The following RHPN2 variants were observed in gnomAD, a reference collection of about 807,000 sequenced individuals.
The protein encoded by RHPN2 is rhophilin Rho GTPase binding protein 2, also known as rhophilin-2.
A neutral mutation model predicts 79.0 loss-of-function variants in RHPN2; 40 were observed. That is an observed-to-expected ratio of 0.51 (90% confidence interval 0.39 to 0.66). The LOEUF is 0.66. RHPN2 is among the 30% of genes least tolerant of loss of function. RHPN2 has a pLI of 0.00. For synonymous variants in RHPN2, 285 were observed against 363.5 expected (o/e 0.78, Z 2.46); for missense variants, 686 against 883.5 (o/e 0.78, Z 2.83).
chr19:33,024,157 C>T (rs1265341583), intron 3 of RHPN2, among the ~76,000 whole-genome samples: 1 of 152,086 alleles, frequency 6.6e-6, no homozygotes, highest in Non-Finnish European at 1.5e-5. Flanking sequence ...CACAGGAGGC[C>T]GGGTGTGGTG....
At position 33,011,808 on chromosome 19, in the gene RHPN2, A is replaced by G. The variant is rs2288854; in HGVS notation, c.469-5T>C. On this transcript the variant is annotated splice_region_variant and splice_polypyrimidine_tract_variant and intron_variant, in intron 5 of 14. Transcript: ENST00000254260. ...CCGGCTAGGCGTCCGACAAGCCTGC[A>G]AGGAAAAGAACCCAAGAGGGCATGA... 0.24 allele frequency: 380,203 copies of G among 1,613,502 alleles called. 49,344 individuals carry two copies. The highest frequency in any genetic ancestry group is 0.44 in the African/African-American group (33,256 of 74,960).
chr19:33,057,686 A>AG (rs1355424660), intron 1 of RHPN2, among the ~76,000 whole-genome samples: 3 of 120,654 alleles, frequency 2.5e-5, no homozygotes. Flanking sequence ...AAAAAAAAAA[A>AG]AAAAGATAGA....
chr19:32,981,461 G>GGGGAA, intron 14 of RHPN2, among the ~76,000 whole-genome samples: 1 of 140,326 alleles, frequency 7.1e-6, no homozygotes, highest in Non-Finnish European at 1.5e-5. Context: ...GAAGGGAAGA[G>GGGGAA]GGGAAGGAAA....
intron 2 of RHPN2, among the ~76,000 whole-genome samples, chr19:33,036,960 C>T (rs948064865): frequency 6.6e-6 from 1 of 152,084 alleles, no homozygotes; most frequent in Non-Finnish European, 1.5e-5. Flanking sequence ...TCCTATCGAC[C>T]GACCACCCAA....
intron 1 of RHPN2, among the ~76,000 whole-genome samples, chr19:33,044,663 C>A (rs1370943612): frequency 6.6e-6 from 1 of 152,096 alleles, no homozygotes; most frequent in South Asian, 2.1e-4. Context: ...AAGGCCAAGG[C>A]GGGTGGATCA....
chr19:33,011,492 C>T (rs930768494), intron 6 of RHPN2, among the ~76,000 whole-genome samples, 187 bp downstream of exon 6: 10 of 152,196 alleles, frequency 6.6e-5, no homozygotes, highest in African/African-American at 1.4e-4. Flanking sequence ...GCCATCTCCC[C>T]TCGGATCACC....
intron 14 of RHPN2, among the ~76,000 whole-genome samples, chr19:32,981,417 A>AGGC (rs1555709142): frequency 2.4e-5 from 1 of 42,388 alleles, no homozygotes; most frequent in African/African-American, 1.0e-4. Flanking sequence ...ATAAAAAAAA[A>AGGC]GGGGGGGGGC....
chr19:33,022,387 CCCCTCA>C (rs1971932064), intron 3 of RHPN2, among the ~76,000 whole-genome samples: 1 of 152,296 alleles, frequency 6.6e-6, no homozygotes, highest in Non-Finnish European at 1.5e-5. Flanking sequence ...CTCCTCTGCC[CCCCTCA>C]GCGGGCCCCA....
chr19:33,015,564 TAGAA>T (rs1173227287), intron 4 of RHPN2, among the ~76,000 whole-genome samples: 3 of 152,160 alleles, frequency 2.0e-5, no homozygotes, highest in Admixed American at 6.6e-5. Context: ...CATAAAATAT[TAGAA>T]AGAAACAATC....
intron 4 of RHPN2, among the ~76,000 whole-genome samples, chr19:33,019,146 T>C (rs1284565293): frequency 1.3e-5 from 2 of 151,990 alleles, no homozygotes; most frequent in Non-Finnish European, 2.9e-5. Context: ...AAGAGGATTA[T>C]CATGGAAAGT....
chr19:33,010,176 C>A (rs538781735), intron 6 of RHPN2, among the ~76,000 whole-genome samples: 10 of 152,240 alleles, frequency 6.6e-5, no homozygotes, highest in Admixed American at 1.3e-4. Flanking sequence ...GCCTTTTCGG[C>A]CATGCAGACA....
chr19:33,039,059 C>T (rs1378060008), intron 2 of RHPN2, among the ~76,000 whole-genome samples: 1 of 152,110 alleles, frequency 6.6e-6, no homozygotes, highest in East Asian at 1.9e-4. Context: ...TAAAACTATC[C>T]TTCCAGGAAT....
At chr19:33,011,935 T>C (rs1170202324) in intron 5 of RHPN2, 132 bp from the exon 6 acceptor site, 3 of 1,173,266 alleles carry the variant, frequency 2.6e-6, no homozygotes, top group African/African-American at 1.5e-5. Context: ...GCTACTGGCA[T>C]CGTAAACTCT....
intron 1 of RHPN2, among the ~76,000 whole-genome samples, chr19:33,047,051 G>T (rs1972148201): frequency 1.3e-5 from 2 of 152,004 alleles, no homozygotes; most frequent in Admixed American, 6.6e-5. Context: ...TAGAGACAAG[G>T]TTTCACCATT....
chr19:32,992,130 C>T, intron 12 of RHPN2, 161 bp from the exon 13 acceptor site: 1 of 703,050 alleles, frequency 1.4e-6, no homozygotes, highest in Non-Finnish European at 2.5e-6. Flanking sequence ...CATGCGAGAA[C>T]CTGGAAAGCC....
chr19:32,983,837 G>A (rs1225309116), intron 14 of RHPN2, among the ~76,000 whole-genome samples: 1 of 151,928 alleles, frequency 6.6e-6, no homozygotes, highest in Non-Finnish European at 1.5e-5. Context: ...ATGTTGGCCA[G>A]GTTGGTCTTG....
intron 14 of RHPN2, 33 bp from the exon 15 acceptor site, chr19:32,980,289 G>A: frequency 6.2e-7 from 1 of 1,613,768 alleles, no homozygotes; most frequent in South Asian, 1.1e-5. Flanking sequence ...AAGGGCGTCA[G>A]GCATCATCAA....
chr19:32,995,173 A>G (rs1456971536), intron 11 of RHPN2, among the ~76,000 whole-genome samples: 3 of 151,980 alleles, frequency 2.0e-5, no homozygotes, highest in Non-Finnish European at 2.9e-5. Context: ...CCTGGACTCA[A>G]ATGATTCTCC....
chr19:33,010,069 G>A (rs1452756265), intron 6 of RHPN2, among the ~76,000 whole-genome samples: 7 of 152,084 alleles, frequency 4.6e-5, no homozygotes, highest in East Asian at 1.9e-4. Flanking sequence ...GTGAGCCACC[G>A]CACCTGGCCC....
Sources: allele counts gnomAD v4.1 joint callset (sites outside exome capture counted in the v4.1 genomes callset), GRCh38; gene constraint gnomAD v4.1.1; transcripts MANE v1.5; gene names NCBI Gene and HGNC (gene_info 2026-07-23, HGNC 2026-07-21).